Variants in TMEM50A observed in about 807,000 individuals in gnomAD.
TMEM50A encodes cervical cancer oncogene 9.
Under a neutral mutation model 23.9 loss-of-function variants are expected in TMEM50A, and 8 were observed. That is an observed-to-expected ratio of 0.33 (90% confidence interval 0.20 to 0.60). The LOEUF (loss-of-function observed/expected upper bound fraction) is 0.60, where lower values mean the gene tolerates loss of function less well. Ranked by LOEUF, TMEM50A falls within the 20% of genes least tolerant of loss-of-function variation. The probability of loss-of-function intolerance (pLI) is 0.81; values close to 1 mark genes in which losing one functional copy is unlikely to be tolerated. For synonymous variants in TMEM50A, 55 were observed against 60.4 expected (o/e 0.91, Z 0.41); for missense variants, 178 against 192.7 (o/e 0.92, Z 0.45).
chr1:25,351,378 G>A (rs1241153971), intron 3 of TMEM50A, among the ~76,000 whole-genome samples: 1 of 151,960 alleles, frequency 6.6e-6, no homozygotes, highest in Non-Finnish European at 1.5e-5. Context: ...GTGTGGTGGT[G>A]CACACCTGTA....
intron 6 of TMEM50A, among the ~76,000 whole-genome samples, chr1:25,357,572 G>T (rs1204423770): frequency 6.7e-6 from 1 of 149,418 alleles, no homozygotes; most frequent in African/African-American, 2.5e-5. Flanking sequence ...TTGTGTGTGT[G>T]TGTGTTGTTT....
chr1:25,340,698 T>C lies in TMEM50A; in HGVS notation c.93+119T>C, dbSNP rs1382417417. 5.8e-6 allele frequency: 4 copies of C among 688,846 alleles called. No homozygotes were observed. The African/African-American group carries it at 7.4e-5, about 13-fold the overall frequency. The allele number at this position is 688,846 out of a possible 1,614,324, so 42.7% of individuals were successfully genotyped here. ...ATTTTATCTTTGACCACTTTGACCA[T>C]GTTGATATTTTGTTGTTTGTGGAGA... On this transcript the variant is annotated intron_variant, in intron 2 of 6. Coordinates refer to ENST00000374358, the MANE Select transcript of TMEM50A (RefSeq NM_014313.4).
chr1:25,357,608 C>CTG (rs1436710053), intron 6 of TMEM50A, among the ~76,000 whole-genome samples: 14 of 84,336 alleles, frequency 1.7e-4, no homozygotes, highest in South Asian at 9.5e-4. Flanking sequence ...GTCTCTCACC[C>CTG]AGTGTGTGTG....
intron 6 of TMEM50A, 50 bp downstream of exon 6, chr1:25,356,903 C>T: frequency 2.2e-6 from 3 of 1,339,526 alleles, no homozygotes; most frequent in South Asian, 1.3e-5. Context: ...TTTAAAATAG[C>T]TTCTTTTATA....
intron 1 of TMEM50A, 30 bp downstream of exon 1, chr1:25,338,486 A>G (rs1645125219): frequency 6.6e-6 from 1 of 152,382 alleles, no homozygotes; most frequent in South Asian, 2.1e-4. Context: ...TGGGGGTAAG[A>G]GAGTAGCGGC....
chr1:25,351,114 G>A (rs72660919), intron 3 of TMEM50A, among the ~76,000 whole-genome samples: 22,868 of 149,566 alleles, frequency 0.15, 2,647 homozygotes, highest in East Asian at 0.57. Context: ...GCAGTGAGCC[G>A]AGATCGTGCC....
At chr1:25,340,675 T>A (rs1490245559) in intron 2 of TMEM50A, 96 bp downstream of exon 2, 1 of 867,564 alleles carries the variant, frequency 1.2e-6, no homozygotes, top group African/African-American at 1.7e-5. Context: ...TACTATTTAT[T>A]TTATCTTTGA....
chr1:25,344,313 G>T (rs1181904286), intron 3 of TMEM50A, among the ~76,000 whole-genome samples: 2 of 152,152 alleles, frequency 1.3e-5, no homozygotes, highest in African/African-American at 2.4e-5. Flanking sequence ...GGAATGAAAT[G>T]ACCTTATATT....
intron 2 of TMEM50A, among the ~76,000 whole-genome samples, chr1:25,341,192 G>T (rs1048889456): frequency 2.0e-5 from 3 of 152,046 alleles, no homozygotes; most frequent in African/African-American, 7.2e-5. Context: ...GCTCTAAAGA[G>T]TAATTTTTTA....
intron 6 of TMEM50A, among the ~76,000 whole-genome samples, chr1:25,359,507 T>TA (rs60020744): frequency 0.84 from 123,851 of 146,720 alleles, 55,515 homozygotes; most frequent in South Asian, 0.99. Context: ...TGATGAGCTT[T>TA]AAAAAAAAAA....
intron 2 of TMEM50A, among the ~76,000 whole-genome samples, chr1:25,342,370 T>C (rs1030000828): frequency 2.0e-5 from 3 of 152,236 alleles, no homozygotes; most frequent in African/African-American, 7.2e-5. Flanking sequence ...GTTATACCTT[T>C]GCCCTTGATA....
intron 3 of TMEM50A, among the ~76,000 whole-genome samples, chr1:25,344,577 AC>A (rs1375198352): frequency 6.6e-6 from 1 of 151,652 alleles, no homozygotes; most frequent in African/African-American, 2.4e-5. Context: ...ACGAGGTCTC[AC>A]CTTGTTTGCC....
chr1:25,355,078 A>G (rs984227796), intron 5 of TMEM50A, among the ~76,000 whole-genome samples: 1 of 152,120 alleles, frequency 6.6e-6, no homozygotes, highest in African/African-American at 2.4e-5. Flanking sequence ...AGCCATCTAT[A>G]TATTTTAAAA....
chr1:25,360,684 C>T lies in TMEM50A; in HGVS notation c.453C>T (p.Arg151=). 1.2e-6 allele frequency: 2 copies of T among 1,614,126 alleles called. No homozygotes were observed. Residue 151 remains arginine (R), a synonymous_variant, in exon 7 of 7, where the codon CGC becomes CGT. Transcript: ENST00000374358. ...FFGGLVFKFG[R]TEDLWQ ...GAGGGCTGGTTTTTAAGTTTGGCCG[C>T]ACTGAAGACTTATGGCAGTGAACAC... is the stretch of plus-strand genomic sequence containing the variant.
chr1:25,359,732 T>C (rs1227728751), intron 6 of TMEM50A, among the ~76,000 whole-genome samples: 1 of 152,106 alleles, frequency 6.6e-6, no homozygotes. Context: ...TCCCCTTTGA[T>C]GTACTGTTTC....
At chr1:25,351,164 CAAAAA>C (rs1179135841) in intron 3 of TMEM50A, among the ~76,000 whole-genome samples, 1 of 61,188 alleles carries the variant, frequency 1.6e-5, no homozygotes. Context: ...GACTCCGTCT[CAAAAA>C]AAAAAAAAAA....
intron 3 of TMEM50A, among the ~76,000 whole-genome samples, chr1:25,344,047 G>A (rs913226314): frequency 2.6e-5 from 4 of 152,144 alleles, no homozygotes; most frequent in Admixed American, 6.5e-5. Context: ...AGGAATTTGA[G>A]ACCAGCCTGG....
Position 25,338,356 on chromosome 1 carries a change from A to C in TMEM50A, c.-114A>C, listed in dbSNP as rs991441770. 6.6e-6 allele frequency: 1 copy of C among 152,486 alleles called. No individual in the cohort carries two copies. The highest frequency in any genetic ancestry group is 1.5e-5 in the Non-Finnish European group (1 of 68,432). The allele number at this position is 152,486 out of a possible 1,614,324, so 9.4% of individuals were successfully genotyped here. ...GGTACTGCTGCATCCGGGTGTCTGG[A>C]GGCTGTGGCCGTTTTGTTTTCTTGG... On this transcript the variant is annotated 5_prime_UTR_variant, in exon 1 of 7. Coordinates refer to ENST00000374358, the MANE Select transcript of TMEM50A (RefSeq NM_014313.4).
chr1:25,349,893 A>G (rs1050926713), intron 3 of TMEM50A, among the ~76,000 whole-genome samples: 8 of 152,272 alleles, frequency 5.3e-5, no homozygotes, highest in African/African-American at 1.9e-4. Flanking sequence ...ACACACAACT[A>G]AATGGGTATA....
Sources: gnomAD v4.1 joint callset for allele counts (sites outside exome capture counted in the v4.1 genomes callset) on GRCh38, gnomAD v4.1.1 for gene constraint, MANE v1.5 for transcripts, NCBI Gene and HGNC (gene_info 2026-07-23, HGNC 2026-07-21) for gene names.